The following MYO5A variants were observed in gnomAD, a reference collection of about 807,000 sequenced individuals.
The protein encoded by MYO5A is unconventional myosin-Va.
Under a neutral mutation model 249.7 loss-of-function variants are expected in MYO5A, and 98 were observed. The ratio of observed to expected loss-of-function variants is 0.39; its 90% CI spans 0.33 to 0.46. The LOEUF (loss-of-function observed/expected upper bound fraction) is 0.46. MYO5A is among the 20% of genes least tolerant of loss of function. The pLI, the probability that MYO5A is intolerant of heterozygous loss-of-function variation, is 0.98. For synonymous variants in MYO5A, 778 were observed against 810.6 expected, an observed-to-expected ratio of 0.96 and a Z score of 0.68; for missense variants, 1,696 against 2,308.8, an observed-to-expected ratio of 0.73 and a Z score of 5.44.
At position 52,438,640 on chromosome 15, in the gene MYO5A, A is replaced by C. The variant is rs188600141; in HGVS notation, c.28-5355T>G. Among the ~76,000 whole-genome samples, 353 of 152,366 alleles carry C rather than the reference A, an allele frequency of 2.3e-3. 1 individual carries two copies. Among genetic ancestry groups the C allele is most frequent in the African/African-American group, 8.2e-3 (341 of 41,586 alleles). ...GAGCTCACTAAAATGCTAATTAGGCAAAAACAGGAGGTAAAGAAATAGCTA... is the reference window on the plus strand; with the variant it reads ...GAGCTCACTAAAATGCTAATTAGGCCAAAACAGGAGGTAAAGAAATAGCTA... On this transcript the variant is annotated intron_variant, in intron 1 of 41. Transcript: ENST00000399233.
At chr15:52,397,914 A>T (rs1231222669) in intron 9 of MYO5A, among the ~76,000 whole-genome samples, 1 of 152,260 alleles carries the variant, frequency 6.6e-6, no homozygotes, top group African/African-American at 2.4e-5. Flanking sequence ...CACAAAGACC[A>T]AGGACACTAT....
intron 28 of MYO5A, among the ~76,000 whole-genome samples, chr15:52,349,283 C>A (rs543784974): frequency 2.0e-5 from 3 of 152,206 alleles, no homozygotes; most frequent in African/African-American, 7.2e-5. Flanking sequence ...CATTCCCTAG[C>A]TCACAGGGTG....
Position 52,438,738 on chromosome 15 carries a change from C to T in MYO5A, c.28-5453G>A, listed in dbSNP as rs555698533. ...TAAACCCAGGCATTCCAGCCGGCAACGGCTACCCTCTTTGGGTCCCCTCCC... is the reference window on the plus strand; with the variant it reads ...TAAACCCAGGCATTCCAGCCGGCAATGGCTACCCTCTTTGGGTCCCCTCCC... On this transcript the variant is annotated intron_variant, in intron 1 of 41. Coordinates refer to ENST00000399233, the MANE Select transcript of MYO5A (RefSeq NM_001382347.1). Among the ~76,000 whole-genome samples, 6 of 152,378 alleles carry T rather than the reference C, an allele frequency of 3.9e-5. No homozygotes were observed. In the South Asian group the frequency reaches 6.2e-4, roughly 16 times the overall value.
intron 1 of MYO5A, among the ~76,000 whole-genome samples, chr15:52,512,036 GC>G (rs1299883755): frequency 6.6e-6 from 1 of 151,940 alleles, no homozygotes. Flanking sequence ...GGTGGCAGGC[GC>G]CTGTAGTCCC....
chr15:52,500,048 C>G (rs992516481), intron 1 of MYO5A, among the ~76,000 whole-genome samples: 5 of 151,988 alleles, frequency 3.3e-5, no homozygotes, highest in African/African-American at 1.2e-4. Context: ...GGAATACTGC[C>G]TCTTAAAAAT....
chr15:52,399,062 G>C (rs1595598279), intron 9 of MYO5A, among the ~76,000 whole-genome samples: 1 of 149,112 alleles, frequency 6.7e-6, no homozygotes, highest in African/African-American at 2.5e-5. Flanking sequence ...TATTCTACTT[G>C]AATGTTGTTA....
chr15:52,357,247 G>T (rs1291656444), intron 25 of MYO5A, among the ~76,000 whole-genome samples: 2 of 151,942 alleles, frequency 1.3e-5, no homozygotes, highest in Non-Finnish European at 2.9e-5. Context: ...ATTTATGAAT[G>T]ATGTACATGT....
intron 1 of MYO5A, among the ~76,000 whole-genome samples, chr15:52,451,756 C>T (rs2076024884): frequency 6.6e-6 from 1 of 152,202 alleles, no homozygotes; most frequent in South Asian, 2.1e-4. Flanking sequence ...TGACTGACTC[C>T]TCCTTATCCT....
chr15:52,469,212 T>A (rs1267041266), intron 1 of MYO5A, among the ~76,000 whole-genome samples: 2 of 152,086 alleles, frequency 1.3e-5, no homozygotes, highest in African/African-American at 2.4e-5. Flanking sequence ...CCCTGCACAG[T>A]TGGAAATTTG....
chr15:52,359,889 C>G (rs1460255255), intron 25 of MYO5A, 79 bp downstream of exon 25: 1 of 994,786 alleles, frequency 1.0e-6, no homozygotes, highest in African/African-American at 1.6e-5. Flanking sequence ...CAATTGGAGT[C>G]TGCTTTGCAA....
At position 52,501,072 on chromosome 15, in the gene MYO5A, C is replaced by A. The variant is rs1388469041; in HGVS notation, c.27+27708G>T. ...GCAAGCTCCGCCTCCCGGGTTCACGCCATTCTCCTGCCTCAGCCTCCCGAG... is the reference window on the plus strand; with the variant it reads ...GCAAGCTCCGCCTCCCGGGTTCACGACATTCTCCTGCCTCAGCCTCCCGAG... On this transcript the variant is annotated intron_variant, in intron 1 of 41. Coordinates refer to ENST00000399233, the MANE Select transcript of MYO5A (RefSeq NM_001382347.1). 3.3e-5 allele frequency among the ~76,000 whole-genome samples: 5 copies of A among 151,742 alleles called. No individual in the cohort carries two copies. The East Asian group carries it at 9.7e-4, about 29-fold the overall frequency.
rs1397990286 is a variant in MYO5A, at chr15:52,416,149, A to G, written c.608T>C (p.Met203Thr). 5 of 1,613,924 alleles carry G rather than the reference A, an allele frequency of 3.1e-6. No individual in the cohort carries two copies. The highest frequency in any genetic ancestry group is 4.2e-6 in the Non-Finnish European group (5 of 1,179,928). The change falls in exon 5 of 42, where the codon ATG becomes ACG. Residue 203 changes from methionine to threonine, a missense_variant. Around this residue, in one of 5 missense-constraint regions of MYO5A, gnomAD observed 197 missense variants for 320.3 expected, o/e 0.62. Coordinates refer to ENST00000399233, the MANE Select transcript of MYO5A (RefSeq NM_001382347.1). ...GCCGAAGACTCGCTGTCTTACCTCC[A>G]TGATGGGGTTGGAGGCCAAGACCTT... ...EEKVLASNPI[M>T]ESIGNAKTTR...
At position 52,313,816 on chromosome 15, in the gene MYO5A, C is replaced by A; in HGVS notation, c.5523G>T (p.Gln1841His). The A allele has an allele frequency of 6.2e-7, 1 of 1,614,010 alleles. No homozygotes were observed. The highest frequency in any genetic ancestry group is 8.5e-7 in the Non-Finnish European group (1 of 1,179,970). ...AGATGTGTTTAGCATCCATGAGCAG[C>A]TGGGGAGAGTCTTTCCTGTCTCGTA... ...MRLRDRKDSP[Q>H]LLMDAKHIFP... The change falls in exon 42 of 42, where the codon CAG becomes CAT. Residue 1841 changes from glutamine (Q) to histidine (H), a missense_variant. This residue lies in a region of MYO5A where 625 missense variants were observed against 908.1 expected (regional missense o/e 0.69). Coordinates refer to ENST00000399233, the MANE Select transcript of MYO5A (RefSeq NM_001382347.1).
At chr15:52,467,399 T>G (rs1486454330) in intron 1 of MYO5A, among the ~76,000 whole-genome samples, 1 of 152,030 alleles carries the variant, frequency 6.6e-6, no homozygotes, top group African/African-American at 2.4e-5. Flanking sequence ...TTGAAATGCT[T>G]CAAAAATAGA....
chr15:52,503,317 T>C (rs1459180807), intron 1 of MYO5A, among the ~76,000 whole-genome samples: 1 of 152,212 alleles, frequency 6.6e-6, no homozygotes, highest in Non-Finnish European at 1.5e-5. Context: ...ACATCTATTA[T>C]GTATCAATAA....
At chr15:52,314,479 AT>A (rs2037896388) in intron 40 of MYO5A, among the ~76,000 whole-genome samples, 1 of 152,244 alleles carries the variant, frequency 6.6e-6, no homozygotes, top group Admixed American at 6.5e-5. Context: ...TGAAAAATAA[AT>A]GTCCGCACTT....
intron 1 of MYO5A, among the ~76,000 whole-genome samples, chr15:52,503,724 CTTA>C (rs1408638898): frequency 2.0e-5 from 3 of 152,186 alleles, no homozygotes; most frequent in Admixed American, 2.0e-4. Context: ...TAAGTGGAAA[CTTA>C]TTATGTTCGT....
chr15:52,435,315 CA>C (rs1236589033), intron 1 of MYO5A, among the ~76,000 whole-genome samples: 2 of 127,822 alleles, frequency 1.6e-5, no homozygotes, highest in Non-Finnish European at 3.1e-5. Context: ...GTCACTCTGT[CA>C]CCCAGGCTGG....
chr15:52,418,006 C>T (rs1181254222), intron 4 of MYO5A, among the ~76,000 whole-genome samples: 1 of 152,080 alleles, frequency 6.6e-6, no homozygotes, highest in Non-Finnish European at 1.5e-5. Context: ...AGGGAAGATT[C>T]CCTAGAGATG....
Sources: gnomAD v4.1 joint callset for allele counts (sites outside exome capture counted in the v4.1 genomes callset) on GRCh38, gnomAD v4.1.1 for gene constraint, gnomAD v4.1.1 regional missense constraint, MANE v1.5 for transcripts, NCBI Gene and HGNC (gene_info 2026-07-23, HGNC 2026-07-21) for gene names.